SPTBN4: variants seen among roughly 807,000 people sequenced by gnomAD.
SPTBN4 encodes the protein spectrin beta chain, non-erythrocytic 4.
SPTBN4 carries 96 observed loss-of-function variants against 277.8 expected under a neutral mutation model. The observed-to-expected ratio is 0.35, with a 90% CI of 0.29 to 0.41. The LOEUF is 0.41. SPTBN4 is among the 10% of genes least tolerant of loss of function. The probability of loss-of-function intolerance (pLI) is 1.00; values close to 1 mark genes in which losing one functional copy is unlikely to be tolerated. For synonymous variants in SPTBN4, 1,481 were observed against 1,580.3 expected (o/e 0.94, Z 1.49); for missense variants, 3,006 against 3,595.7 (o/e 0.84, Z 4.19).
In SPTBN4 at chr19:40,515,912, TAC is replaced by T. The variant is rs1226322248; in HGVS notation, c.2903+472_2903+473del. Among the ~76,000 whole-genome samples the T allele has an allele frequency of 8.2e-6, 1 of 122,008 alleles. No individual in the cohort carries two copies. Among genetic ancestry groups the T allele is most frequent in the Non-Finnish European group, 1.7e-5 (1 of 60,036 alleles). The allele number at this position is 122,008 out of a possible 152,430, so 80.0% of individuals were successfully genotyped here. On this transcript the variant is annotated intron_variant, in intron 15 of 35. Transcript: ENST00000598249. The surrounding 1 kb of genome is among the most constrained non-coding windows in gnomAD (Gnocchi z 4.1). ...CACACACACACACAAAATATATATA[TAC>T]ACACACATATATATACACACATATA...
intron 33 of SPTBN4, chr19:40,571,743 A>G (rs182198096): frequency 6.1e-6 from 2 of 326,996 alleles, no homozygotes; most frequent in East Asian, 9.7e-5. Context: ...TATGGAGGAG[A>G]CAGCTTAAGA....
At chr19:40,493,425 C>T (rs2080160245) in intron 5 of SPTBN4, among the ~76,000 whole-genome samples, 1 of 152,144 alleles carries the variant, frequency 6.6e-6, no homozygotes, top group Non-Finnish European at 1.5e-5. Context: ...GAACTCTTGG[C>T]CTCACTAGGC....
chr19:40,510,505 G>A (rs917014898), intron 13 of SPTBN4, among the ~76,000 whole-genome samples: 2 of 152,068 alleles, frequency 1.3e-5, no homozygotes, highest in South Asian at 2.1e-4. Flanking sequence ...GGGTTTTGCC[G>A]TGTTACCCAG....
At position 40,485,656 on chromosome 19, in the gene SPTBN4, T is replaced by G. The variant is rs116502083; in HGVS notation, c.170-2041T>G. On this transcript the variant is annotated intron_variant, in intron 2 of 35. Coordinates refer to ENST00000598249, the MANE Select transcript of SPTBN4 (RefSeq NM_020971.3). ...CCCTTGTCTCTACAAAAATAAAAAT[T>G]AAAAAATCAGATGGGCATGGTGGCA... Among the ~76,000 whole-genome samples, 488 of 149,798 alleles carry G rather than the reference T, an allele frequency of 3.3e-3. 1 individual carries two copies. Among genetic ancestry groups the G allele is most frequent in the African/African-American group, 0.011 (452 of 40,776 alleles).
chr19:40,554,330 G>A lies in SPTBN4; in HGVS notation c.4858G>A (p.Ala1620Thr). ...AERRQQVLDA[A>T]FQVEQYYFDV... Reference sequence around the variant, plus strand: ...GCGACGGCAGCAGGTGCTGGACGCCGCCTTCCAGGTGGAGCAGTACTACTT... The same window carrying A: ...GCGACGGCAGCAGGTGCTGGACGCCACCTTCCAGGTGGAGCAGTACTACTT... The change falls in exon 23 of 36, where the codon GCC becomes ACC. Residue 1620 changes from alanine to threonine, a missense_variant. This residue lies in a region of SPTBN4 where 1,759 missense variants were observed against 2,061.5 expected (regional missense o/e 0.85). Transcript: ENST00000598249. The surrounding 1 kb of genome is among the most constrained non-coding windows in gnomAD (Gnocchi z 5.7). The A allele has an allele frequency of 1.3e-6, 2 of 1,561,218 alleles. No individual in the cohort carries two copies. Among genetic ancestry groups the A allele is most frequent in the South Asian group, 1.2e-5 (1 of 85,748 alleles).
chr19:40,524,377 C>G (rs974167634), intron 17 of SPTBN4, among the ~76,000 whole-genome samples: 1 of 151,040 alleles, frequency 6.6e-6, no homozygotes, highest in African/African-American at 2.4e-5. Flanking sequence ...CGTGGTGATG[C>G]GTGCCTGTAG....
chr19:40,567,795 T>C lies in SPTBN4; in HGVS notation c.6469T>C (p.Leu2157=). ...GCGGCCAGGGGGCTATGAAAGGGGC[T>C]TGGAGCCCCTGGCCCGCCGAGCCTC... ...LLRPGGYERG[L]EPLARRASDT... is the part of the protein sequence containing the mutation. Residue 2157 remains leucine (L), a synonymous_variant, in exon 31 of 36, where the codon TTG becomes CTG. Coordinates refer to ENST00000598249, the MANE Select transcript of SPTBN4 (RefSeq NM_020971.3). The C allele has an allele frequency of 6.6e-7, 1 of 1,512,318 alleles. No homozygotes were observed. Among genetic ancestry groups the C allele is most frequent in the Non-Finnish European group, 8.9e-7 (1 of 1,128,808 alleles). The allele number at this position is 1,512,318 out of a possible 1,614,324, so 93.7% of individuals were successfully genotyped here. A position where few individuals can be genotyped will look rare whatever the true frequency, so the allele number is the denominator to read the frequency against.
Position 40,474,676 on chromosome 19 carries a change from G to A in SPTBN4, c.169+1886G>A, listed in dbSNP as rs561701456. On this transcript the variant is annotated intron_variant, in intron 2 of 35. Coordinates refer to ENST00000598249, the MANE Select transcript of SPTBN4 (RefSeq NM_020971.3). ...GCACTTTGGGAGGCTGAGGCGGATGGATCACTTGAGATCAGGAGTTTGAGA... is the reference window on the plus strand; with the variant it reads ...GCACTTTGGGAGGCTGAGGCGGATGAATCACTTGAGATCAGGAGTTTGAGA... Among the ~76,000 whole-genome samples the A allele has an allele frequency of 4.7e-3, 710 of 152,110 alleles. 7 individuals carry two copies. The highest frequency in any genetic ancestry group is 4.4e-3 in the Non-Finnish European group (299 of 67,982).
At chr19:40,536,436 A>T (rs926307668) in intron 20 of SPTBN4, among the ~76,000 whole-genome samples, 6 of 151,964 alleles carry the variant, frequency 3.9e-5, no homozygotes, top group South Asian at 2.1e-4. Context: ...CTGGTCTCGA[A>T]CTCCTGACCA....
rs1286629062 is a variant in SPTBN4, at chr19:40,498,568, G to C, written c.784+964G>C. Among the ~76,000 whole-genome samples, 3 of 151,360 alleles carry C rather than the reference G, an allele frequency of 2.0e-5. No homozygotes were observed. The East Asian group carries it at 5.8e-4, about 29-fold the overall frequency. ...CTACAGGCGCCCGCCACCACGCCCG[G>C]CTAATTTTTTGTATTTTTAGTAGAG... On this transcript the variant is annotated intron_variant, in intron 7 of 35. Transcript: ENST00000598249.
At position 40,504,152 on chromosome 19, in the gene SPTBN4, G is replaced by GGGGGGC; in HGVS notation, c.1665+20_1665+21insGGGGGC. On this transcript the variant is annotated intron_variant, in intron 12 of 35. Coordinates refer to ENST00000598249, the MANE Select transcript of SPTBN4 (RefSeq NM_020971.3). ...ATGCAGGTGCCGGCGGGGGGGCGGGGATGCGGGTGGAGTGCCAGGAGGGAG... is the reference window on the plus strand; with the variant it reads ...ATGCAGGTGCCGGCGGGGGGGCGGGGGGGGGCATGCGGGTGGAGTGCCAGGAGGGAG... 2.3e-6 allele frequency: 2 copies of GGGGGGC among 877,206 alleles called. No individual in the cohort carries two copies. The highest frequency in any genetic ancestry group is 3.5e-6 in the Non-Finnish European group (2 of 566,484). The allele number at this position is 877,206 out of a possible 1,614,324, so 54.3% of individuals were successfully genotyped here. A position where few individuals can be genotyped will look rare whatever the true frequency, so the allele number is the denominator to read the frequency against.
chr19:40,487,991 G>C, intron 3 of SPTBN4, 143 bp downstream of exon 3: 1 of 981,318 alleles, frequency 1.0e-6, no homozygotes, highest in Non-Finnish European at 1.4e-6. Context: ...GTGGGTAAGA[G>C]GTCCCTCTAC....
Position 40,550,799 on chromosome 19 carries a change from G to A in SPTBN4, c.4674+472G>A, listed in dbSNP as rs141137829. On this transcript the variant is annotated intron_variant, in intron 22 of 35. Transcript: ENST00000598249. ...CTCCCAAAGTGCTGAGATTACAGGT[G>A]TGAGCCACCGCGCCCGGCCTGTTTG... 2.4e-3 allele frequency among the ~76,000 whole-genome samples: 363 copies of A among 152,248 alleles called. 2 individuals are homozygous for A. Among genetic ancestry groups the A allele is most frequent in the African/African-American group, 8.5e-3 (355 of 41,542 alleles).
At chr19:40,544,127 CTTTT>C (rs10618096) in intron 20 of SPTBN4, among the ~76,000 whole-genome samples, 10 of 128,894 alleles carry the variant, frequency 7.8e-5, no homozygotes, top group South Asian at 2.3e-4. Flanking sequence ...TCTTCTTCCT[CTTTT>C]TTTTTTTTTT....
At position 40,506,489 on chromosome 19, in the gene SPTBN4, G is replaced by A. The variant is rs149179589; in HGVS notation, c.1816+103G>A. 3,771 of 1,444,868 alleles carry A rather than the reference G, an allele frequency of 2.6e-3. 12 individuals are homozygous for A. The highest frequency in any genetic ancestry group is 0.012 in the African/African-American group (858 of 70,998). The allele number at this position is 1,444,868 out of a possible 1,614,324, so 89.5% of individuals were successfully genotyped here. ...GAGAGAAGGAAAGAGTGAGCTCCTTGTCCTTGGAGGCATTTAAGCAGAGCC... is the reference window on the plus strand; with the variant it reads ...GAGAGAAGGAAAGAGTGAGCTCCTTATCCTTGGAGGCATTTAAGCAGAGCC... On this transcript the variant is annotated intron_variant, in intron 13 of 35. Transcript: ENST00000598249.
At position 40,554,287 on chromosome 19, in the gene SPTBN4, A is replaced by T; in HGVS notation, c.4815A>T (p.Gly1605=). Residue 1605 remains glycine, a synonymous_variant, in exon 23 of 36, where the codon GGA becomes GGT. Transcript: ENST00000598249. The surrounding 1 kb of genome is among the most constrained non-coding windows in gnomAD (Gnocchi z 5.7). The stretch of plus-strand genomic sequence containing the variant: ...AGCAGCTGCAGAGCGCCTGGGCCGG[A>T]CTGCGGGAGGCTGCCGAGCGACGGC... ...GLEQLQSAWA[G]LREAAERRQQ... 6.5e-7 allele frequency: 1 copy of T among 1,538,364 alleles called. No homozygotes were observed. The highest frequency in any genetic ancestry group is 8.7e-7 in the Non-Finnish European group (1 of 1,148,374).
chr19:40,474,432 ATT>A (rs1166054943), intron 2 of SPTBN4, among the ~76,000 whole-genome samples: 39 of 132,624 alleles, frequency 2.9e-4, no homozygotes, highest in Non-Finnish European at 3.5e-4. Flanking sequence ...TCACCCTACC[ATT>A]TTTTTTTTTT....
At chr19:40,496,689 G>A (rs527657284) in intron 6 of SPTBN4, among the ~76,000 whole-genome samples, 4 of 152,308 alleles carry the variant, frequency 2.6e-5, no homozygotes, top group African/African-American at 9.6e-5. Context: ...TGGGGCTCAA[G>A]CTCTGATGAA....
At chr19:40,516,263 A>G (rs540302830) in intron 15 of SPTBN4, among the ~76,000 whole-genome samples, 3 of 150,694 alleles carry the variant, frequency 2.0e-5, no homozygotes, top group Non-Finnish European at 3.0e-5. Context: ...AAAATTCCCA[A>G]TATCCCAATT....
Sources: gnomAD v4.1 joint callset for allele counts (sites outside exome capture counted in the v4.1 genomes callset) on GRCh38, gnomAD v4.1.1 for gene constraint, gnomAD v4.1.1 regional missense constraint, Gnocchi (gnomAD v3.1) non-coding constraint, MANE v1.5 for transcripts, NCBI Gene and HGNC (gene_info 2026-07-23, HGNC 2026-07-21) for gene names.